Variants in LRRC7 observed in about 807,000 individuals in gnomAD.
LRRC7 encodes the protein leucine-rich repeat-containing protein 7.
A neutral mutation model predicts 175.7 loss-of-function variants in LRRC7; 23 were observed. That is an observed-to-expected ratio of 0.13 (90% CI 0.09 to 0.19). The LOEUF (loss-of-function observed/expected upper bound fraction) is 0.19. LRRC7 is among the 10% of genes least tolerant of loss of function. The probability of loss-of-function intolerance (pLI) is 1.00; values close to 1 mark genes in which losing one functional copy is unlikely to be tolerated. For missense variants in LRRC7, 1,354 were observed against 1,904.7 expected (o/e 0.71, Z 5.38); for synonymous variants, 685 against 680.9 (o/e 1.01, Z -0.09).
rs1320484207 is a variant in LRRC7, at chr1:69,608,842, CTCTCTCTCTCTCTCTCTCTCTCTCTA to C, written c.2+40203_2+40228del. 5.8e-3 allele frequency among the ~76,000 whole-genome samples: 266 copies of C among 46,016 alleles called. 1 individual carries two copies. Among genetic ancestry groups the C allele is most frequent in the Admixed American group, 7.0e-3 (24 of 3,436 alleles). The allele number at this position is 46,016 out of a possible 152,430, so 30.2% of individuals were successfully genotyped here. On this transcript the variant is annotated intron_variant, in intron 1 of 26. Transcript: ENST00000651989. ...TCTCTCTCTCTCTCTCTCTCTCTCT[CTCTCTCTCTCTCTCTCTCTCTCTCTA>C]TATATATATATATATATATATATAT...
chr1:69,740,577 G>T (rs1668603931), intron 2 of LRRC7, among the ~76,000 whole-genome samples: 1 of 152,102 alleles, frequency 6.6e-6, no homozygotes, highest in Admixed American at 6.6e-5. Flanking sequence ...CAAAAGGAAA[G>T]TGAGTTACAG....
intron 7 of LRRC7, among the ~76,000 whole-genome samples, chr1:69,912,331 G>A (rs1255890835): frequency 6.6e-6 from 1 of 152,152 alleles, no homozygotes; most frequent in Non-Finnish European, 1.5e-5. Flanking sequence ...TGTGGTGGTG[G>A]TGGTCCTTGC....
At chr1:69,622,929 T>A (rs1650867839) in intron 1 of LRRC7, among the ~76,000 whole-genome samples, 1 of 152,204 alleles carries the variant, frequency 6.6e-6, no homozygotes, top group Non-Finnish European at 1.5e-5. Flanking sequence ...GATGATGGGC[T>A]CAGGTCCTTC....
intron 24 of LRRC7, among the ~76,000 whole-genome samples, chr1:70,087,434 T>C: frequency 6.6e-6 from 1 of 152,120 alleles, no homozygotes; most frequent in South Asian, 2.1e-4. Context: ...CATAGAAACA[T>C]TGAAAAACAC....
intron 7 of LRRC7, among the ~76,000 whole-genome samples, chr1:69,915,925 G>T (rs1402918037): frequency 6.7e-6 from 1 of 149,176 alleles, no homozygotes; most frequent in Non-Finnish European, 1.5e-5. Context: ...GAGGTTCAAA[G>T]ATGTTATTTA....
At chr1:69,658,289 T>A (rs1570215491) in intron 1 of LRRC7, among the ~76,000 whole-genome samples, 1 of 152,018 alleles carries the variant, frequency 6.6e-6, no homozygotes, top group Non-Finnish European at 1.5e-5. Flanking sequence ...CTAAAATATA[T>A]CATCATGACA....
chr1:69,587,461 G>A (rs530246483), intron 1 of LRRC7, among the ~76,000 whole-genome samples: 18 of 152,058 alleles, frequency 1.2e-4, no homozygotes, highest in Non-Finnish European at 2.4e-4. Flanking sequence ...TGAAATACAG[G>A]CCTATATAGG....
chr1:69,840,889 T>C (rs1681649520), intron 7 of LRRC7, among the ~76,000 whole-genome samples: 1 of 152,148 alleles, frequency 6.6e-6, no homozygotes, highest in African/African-American at 2.4e-5. Flanking sequence ...ACAAGAATTA[T>C]CTTCCTAATT....
intron 1 of LRRC7, among the ~76,000 whole-genome samples, chr1:69,666,664 T>G (rs1246285183): frequency 6.6e-6 from 1 of 152,064 alleles, no homozygotes; most frequent in Non-Finnish European, 1.5e-5. Flanking sequence ...TTGTAATATC[T>G]CCTTTTTTAT....
intron 2 of LRRC7, among the ~76,000 whole-genome samples, chr1:69,714,087 C>A (rs1665081143): frequency 6.6e-6 from 1 of 152,120 alleles, no homozygotes; most frequent in Admixed American, 6.5e-5. Flanking sequence ...CAGCCTTACA[C>A]CAATTCACCT....
intron 7 of LRRC7, among the ~76,000 whole-genome samples, chr1:69,897,152 T>A (rs1646003166): frequency 6.6e-6 from 1 of 152,194 alleles, no homozygotes; most frequent in Non-Finnish European, 1.5e-5. Flanking sequence ...ACAGGGAAAC[T>A]GAGGTACAGA....
chr1:69,723,191 A>T (rs1666563821), intron 2 of LRRC7, among the ~76,000 whole-genome samples: 1 of 152,084 alleles, frequency 6.6e-6, no homozygotes, highest in Non-Finnish European at 1.5e-5. Context: ...AAATTATTTA[A>T]TTATTTTTAT....
intron 2 of LRRC7, among the ~76,000 whole-genome samples, chr1:69,707,526 CA>C (rs1445597475): frequency 2.0e-5 from 3 of 151,932 alleles, no homozygotes; most frequent in Non-Finnish European, 4.4e-5. Flanking sequence ...TATTCCCTCC[CA>C]AAAAAATTAT....
intron 2 of LRRC7, among the ~76,000 whole-genome samples, chr1:69,736,852 G>C (rs1014972145): frequency 2.6e-5 from 4 of 151,986 alleles, no homozygotes; most frequent in Non-Finnish European, 5.9e-5. Context: ...TCTTTACACT[G>C]CCTTTGATAT....
intron 1 of LRRC7, among the ~76,000 whole-genome samples, chr1:69,576,487 A>G (rs993756658): frequency 1.3e-5 from 2 of 152,308 alleles, no homozygotes; most frequent in African/African-American, 4.8e-5. Flanking sequence ...CATTTTTGAA[A>G]TTATGAGATT....
rs1372438296 is a variant in LRRC7 at position 69,678,314 on chromosome 1, C to G, written c.3-67C>G. On this transcript the variant is annotated intron_variant, in intron 1 of 26. Transcript: ENST00000651989. ...TTCTGTGGGAATTTGAATTTTAGAC[C>G]ATTTAACTTGTAAACATTTATCCAA... 3.5e-6 allele frequency: 4 copies of G among 1,141,066 alleles called. No homozygotes were observed. In the East Asian group the frequency reaches 1.0e-4, roughly 29 times the overall value. 70.7% of individuals were successfully genotyped at this position (1,141,066 alleles called of 1,614,324 possible).
At chr1:70,117,475 G>C (rs2102236263) in intron 26 of LRRC7, among the ~76,000 whole-genome samples, 1 of 152,164 alleles carries the variant, frequency 6.6e-6, no homozygotes, top group South Asian at 2.1e-4. Context: ...CTTTTTGTTG[G>C]AATTGCAAAT....
intron 8 of LRRC7, among the ~76,000 whole-genome samples, chr1:69,968,916 T>C (rs997345059): frequency 1.3e-5 from 2 of 152,012 alleles, no homozygotes; most frequent in African/African-American, 4.8e-5. Flanking sequence ...CCTCCCAGGT[T>C]CACACCATTC....
intron 2 of LRRC7, among the ~76,000 whole-genome samples, chr1:69,744,217 A>G (rs1301503191): frequency 1.3e-5 from 2 of 151,886 alleles, no homozygotes; most frequent in African/African-American, 2.4e-5. Context: ...CCAAGTGCCA[A>G]TCTTTTCCCC....
Sources: allele counts gnomAD v4.1 joint callset (sites outside exome capture counted in the v4.1 genomes callset), GRCh38; gene constraint gnomAD v4.1.1; transcripts MANE v1.5; gene names NCBI Gene and HGNC (gene_info 2026-07-23, HGNC 2026-07-21).